Variants in KIF16B observed in about 807,000 individuals in gnomAD.
The protein encoded by KIF16B is kinesin family member 16B.
A neutral mutation model predicts 156.3 loss-of-function variants in KIF16B; 98 were observed. That is an observed-to-expected ratio of 0.63 (90% confidence interval 0.53 to 0.74). KIF16B has a LOEUF of 0.74. Ranked by LOEUF, KIF16B falls within the 30% of genes least tolerant of loss-of-function variation. The pLI is 0.00. For synonymous variants in KIF16B, 564 were observed against 583.7 expected (o/e 0.97, Z 0.49); for missense variants, 1,421 against 1,606.5 (o/e 0.88, Z 1.97).
At chr20:16,506,251 T>C (rs1397444331) in intron 7 of KIF16B, 61 bp from the exon 8 acceptor site, 14 of 1,391,288 alleles carry the variant, frequency 1.0e-5, no homozygotes, top group African/African-American at 2.8e-5. Flanking sequence ...TTGTTGATGA[T>C]ATGAATTCTA....
chr20:16,398,765 C>A (rs567855636), intron 17 of KIF16B, among the ~76,000 whole-genome samples: 1 of 152,154 alleles, frequency 6.6e-6, no homozygotes, highest in South Asian at 2.1e-4. Context: ...GAAAAAAATT[C>A]CCAAGGGATA....
chr20:16,501,484 C>A (rs2068624398), intron 10 of KIF16B, among the ~76,000 whole-genome samples: 1 of 151,720 alleles, frequency 6.6e-6, no homozygotes, highest in Non-Finnish European at 1.5e-5. Context: ...CTCTGACTCA[C>A]CAATTCCACT....
chr20:16,402,713 G>A (rs1600299910), intron 17 of KIF16B, among the ~76,000 whole-genome samples: 1 of 152,248 alleles, frequency 6.6e-6, no homozygotes, highest in Non-Finnish European at 1.5e-5. Flanking sequence ...CTGGAGCTCA[G>A]AACACCTGGA....
At chr20:16,473,691 T>G (rs1263897251) in intron 12 of KIF16B, among the ~76,000 whole-genome samples, 2 of 152,090 alleles carry the variant, frequency 1.3e-5, no homozygotes, top group Non-Finnish European at 2.9e-5. Flanking sequence ...CTCCCAACTA[T>G]GATATGACAA....
intron 23 of KIF16B, among the ~76,000 whole-genome samples, chr20:16,350,606 C>T (rs1327609571): frequency 4.0e-5 from 6 of 151,796 alleles, no homozygotes; most frequent in African/African-American, 7.3e-5. Context: ...TCAAGAAGCT[C>T]GACTTGCCCA....
chr20:16,372,618 T>C (rs918131518), intron 20 of KIF16B, among the ~76,000 whole-genome samples: 1 of 152,198 alleles, frequency 6.6e-6, no homozygotes, highest in Non-Finnish European at 1.5e-5. Flanking sequence ...TCGAAAATCT[T>C]TGTAATGGCA....
In KIF16B at chr20:16,553,766, C is replaced by T. The variant is rs115886537; in HGVS notation, c.47+19463G>A. Among the ~76,000 whole-genome samples, 640 of 152,356 alleles carry T rather than the reference C, an allele frequency of 4.2e-3. 8 individuals are homozygous for T. The highest frequency in any genetic ancestry group is 0.015 in the African/African-American group (605 of 41,578). On this transcript the variant is annotated intron_variant, in intron 1 of 25. Coordinates refer to ENST00000354981, the MANE Select transcript of KIF16B (RefSeq NM_024704.5). ...CCACCTGCAGCAACCGCTACCAAGACGCTGGCTACAGCGGGGGAGGTGCAG... is the reference window on the plus strand; with the variant it reads ...CCACCTGCAGCAACCGCTACCAAGATGCTGGCTACAGCGGGGGAGGTGCAG...
At chr20:16,330,654 T>C (rs1023406894) in intron 24 of KIF16B, among the ~76,000 whole-genome samples, 2 of 152,222 alleles carry the variant, frequency 1.3e-5, no homozygotes, top group Admixed American at 6.5e-5. Flanking sequence ...GCCAAGTTTG[T>C]TATGAGACAA....
chr20:16,412,774 G>A (rs1049803335), intron 15 of KIF16B, among the ~76,000 whole-genome samples: 1 of 152,056 alleles, frequency 6.6e-6, no homozygotes, highest in Non-Finnish European at 1.5e-5. Context: ...AAATTTGGGT[G>A]GGGACACGGC....
At chr20:16,566,155 G>A (rs192545326) in intron 1 of KIF16B, among the ~76,000 whole-genome samples, 2 of 152,112 alleles carry the variant, frequency 1.3e-5, no homozygotes, top group African/African-American at 4.8e-5. Context: ...GCTTCTTCAG[G>A]GCTTTGTTTA....
At chr20:16,372,991 C>T (rs546509892) in intron 20 of KIF16B, among the ~76,000 whole-genome samples, 9 of 152,324 alleles carry the variant, frequency 5.9e-5, no homozygotes, top group African/African-American at 2.2e-4. Flanking sequence ...AGCCACCATG[C>T]CCGGCCGGAT....
chr20:16,560,444 T>G (rs6034530), intron 1 of KIF16B, among the ~76,000 whole-genome samples: 4 of 152,118 alleles, frequency 2.6e-5, no homozygotes, highest in South Asian at 2.1e-4. Context: ...CACAGGCCCC[T>G]GGGGCAAAGG....
chr20:16,471,484 C>A (rs1250423864), intron 12 of KIF16B, among the ~76,000 whole-genome samples: 2 of 152,142 alleles, frequency 1.3e-5, no homozygotes, highest in Admixed American at 1.3e-4. Context: ...AATTTTGTAT[C>A]ATCACAATTT....
In KIF16B at chr20:16,379,045, A is replaced by G. The variant is rs763998402; in HGVS notation, c.2957T>C (p.Val986Ala). 8 of 1,609,710 alleles carry G rather than the reference A, an allele frequency of 5.0e-6. No homozygotes were observed. In the African/African-American group the frequency reaches 1.1e-4, roughly 22 times the overall value. The change falls in exon 19 of 26, where the codon GTG becomes GCG. Residue 986 changes from valine (V) to alanine (A), a missense_variant. Val to Ala is a moderately conservative substitution (Grantham distance 64). Transcript: ENST00000354981. ...TANIARQEEK[V>A]RKKEKEILES... ...CAAAATCTCCTTTTCCTTTTTCCTC[A>G]CTTTTTCCTCCTGACGTGCAATGTT...
intron 15 of KIF16B, among the ~76,000 whole-genome samples, chr20:16,407,928 C>T (rs1476515244): frequency 1.3e-5 from 2 of 152,096 alleles, no homozygotes; most frequent in African/African-American, 4.8e-5. Context: ...GATATGCTAT[C>T]AGTAGATCTT....
intron 25 of KIF16B, among the ~76,000 whole-genome samples, chr20:16,283,537 T>C (rs1345312143): frequency 6.6e-6 from 1 of 152,130 alleles, no homozygotes; most frequent in African/African-American, 2.4e-5. Flanking sequence ...AAACAGGCAG[T>C]GAGCCCGCCA....
At chr20:16,341,518 T>C (rs2064139017) in intron 23 of KIF16B, among the ~76,000 whole-genome samples, 1 of 152,202 alleles carries the variant, frequency 6.6e-6, no homozygotes, top group Non-Finnish European at 1.5e-5. Flanking sequence ...TGAAAATCAT[T>C]ACTGGCATAT....
chr20:16,297,357 C>T (rs2063403067), intron 25 of KIF16B, among the ~76,000 whole-genome samples: 1 of 152,194 alleles, frequency 6.6e-6, no homozygotes, highest in Non-Finnish European at 1.5e-5. Context: ...AAGTGTAAAA[C>T]TCACAAATAT....
At chr20:16,282,546 G>A (rs949298947) in intron 25 of KIF16B, among the ~76,000 whole-genome samples, 4 of 152,034 alleles carry the variant, frequency 2.6e-5, no homozygotes, top group Admixed American at 1.3e-4. Context: ...ATAGGGTGAT[G>A]AGAATCAAGC....
Sources: gnomAD v4.1 joint callset for allele counts (sites outside exome capture counted in the v4.1 genomes callset) on GRCh38, gnomAD v4.1.1 for gene constraint, MANE v1.5 for transcripts, NCBI Gene and HGNC (gene_info 2026-07-23, HGNC 2026-07-21) for gene names.